FGD3: variants seen among roughly 807,000 people sequenced by gnomAD.
The protein encoded by FGD3 is FYVE, RhoGEF and PH domain-containing protein 3.
FGD3 carries 45 observed loss-of-function variants against 71.8 expected under a neutral mutation model. The observed-to-expected ratio is 0.63, with a 90% CI of 0.49 to 0.80. The LOEUF (loss-of-function observed/expected upper bound fraction) is 0.80, where lower values mean the gene tolerates loss of function less well. FGD3 is among the 30% of genes least tolerant of loss of function. FGD3 has a pLI of 0.00. For synonymous variants in FGD3, 378 were observed against 392.8 expected (o/e 0.96, Z 0.44); for missense variants, 844 against 951.5 (o/e 0.89, Z 1.49).
At chr9:93,033,961 G>T (rs769891061) in intron 16 of FGD3, 1 of 152,354 alleles carries the variant, frequency 6.6e-6, no homozygotes, top group East Asian at 1.9e-4. Context: ...TTTAAATACC[G>T]AGGTGTGTTC....
intron 10 of FGD3, 126 bp downstream of exon 10, chr9:93,015,955 A>C: frequency 1.3e-6 from 1 of 794,860 alleles, no homozygotes; most frequent in Non-Finnish European, 2.1e-6. Flanking sequence ...CTGCTTTTCC[A>C]AGCCATAGAC....
intron 1 of FGD3, among the ~76,000 whole-genome samples, chr9:92,960,781 A>C (rs1011026058): frequency 6.6e-6 from 1 of 152,098 alleles, no homozygotes; most frequent in Non-Finnish European, 1.5e-5. Context: ...GCTGAGAGAA[A>C]TTAGGCCAGG....
chr9:92,991,355 A>G, intron 3 of FGD3, among the ~76,000 whole-genome samples: 1 of 152,208 alleles, frequency 6.6e-6, no homozygotes, highest in African/African-American at 2.4e-5. Context: ...CTGGGATTAC[A>G]GGTGTGAGCC....
chr9:92,961,134 T>G (rs1238914617), intron 1 of FGD3, among the ~76,000 whole-genome samples: 1 of 152,108 alleles, frequency 6.6e-6, no homozygotes, highest in Non-Finnish European at 1.5e-5. Context: ...CTCCTCTCCC[T>G]GGCCATGGCC....
intron 16 of FGD3, chr9:93,033,281 C>CCTCCTCCTCCTCCCCATCCCCTT: frequency 4.3e-6 from 1 of 229,948 alleles, no homozygotes; most frequent in South Asian, 3.6e-5. Context: ...GCAGGCACCC[C>CCTCCTCCTCCTCCCCATCCCCTT]CTCCTCCTCC....
At chr9:93,028,288 G>C (rs539998813) in intron 14 of FGD3, among the ~76,000 whole-genome samples, 1 of 148,686 alleles carries the variant, frequency 6.7e-6, no homozygotes, top group African/African-American at 2.5e-5. Flanking sequence ...TTTTTATTCT[G>C]CTCAGCTACA....
At chr9:93,033,168 G>A (rs917290203) in intron 16 of FGD3, 1 of 461,044 alleles carries the variant, frequency 2.2e-6, no homozygotes, top group Non-Finnish European at 4.1e-6. Flanking sequence ...ATGGATTGAA[G>A]CTGCCCTCAA....
chr9:93,035,669 A>G lies in FGD3; in HGVS notation c.*80A>G. 2 of 1,501,190 alleles carry G rather than the reference A, an allele frequency of 1.3e-6. No individual in the cohort carries two copies. The highest frequency in any genetic ancestry group is 2.6e-5 in the South Asian group (2 of 76,048). 93.0% of individuals were successfully genotyped at this position (1,501,190 alleles called of 1,614,324 possible). ...AGGTGGTGTTGGAGGCCCCATGAAG[A>G]GCGCCCTGGACTGCTGAGGGTGGGC... On this transcript the variant is annotated 3_prime_UTR_variant, in exon 18 of 18. Coordinates refer to ENST00000375482, the MANE Select transcript of FGD3 (RefSeq NM_001083536.2).
At chr9:93,005,419 C>G (rs546853422) in intron 5 of FGD3, among the ~76,000 whole-genome samples, 1 of 152,304 alleles carries the variant, frequency 6.6e-6, no homozygotes, top group South Asian at 2.1e-4. Context: ...GCCACCACAC[C>G]CAGCCTGGAC....
At chr9:93,011,138 G>T in intron 7 of FGD3, 76 bp from the exon 8 acceptor site, 1 of 1,437,286 alleles carries the variant, frequency 7.0e-7, no homozygotes, top group South Asian at 1.1e-5. Context: ...TCTGGAGGCA[G>T]CTGCCCTGGA....
chr9:93,030,866 A>G (rs1862329497), intron 15 of FGD3, among the ~76,000 whole-genome samples: 1 of 151,798 alleles, frequency 6.6e-6, no homozygotes, highest in African/African-American at 2.4e-5. Flanking sequence ...GAGGGGATGG[A>G]TGGATAGGTG....
intron 12 of FGD3, 71 bp from the exon 13 acceptor site, chr9:93,020,246 G>A: frequency 1.4e-6 from 2 of 1,422,246 alleles, no homozygotes; most frequent in Non-Finnish European, 1.9e-6. Context: ...ACAGAGGCAG[G>A]CGCGTCCCTC....
At chr9:92,954,594 A>C (rs549120847) in intron 1 of FGD3, among the ~76,000 whole-genome samples, 2 of 152,290 alleles carry the variant, frequency 1.3e-5, no homozygotes, top group African/African-American at 4.8e-5. Context: ...TCTGCAGGCC[A>C]GAGCTGCTCC....
intron 3 of FGD3, among the ~76,000 whole-genome samples, chr9:93,002,262 C>G (rs1001986420): frequency 6.6e-6 from 1 of 152,086 alleles, no homozygotes; most frequent in African/African-American, 2.4e-5. Context: ...CTGAAACTTA[C>G]AGAGGTTTGT....
rs545510417 is a variant in FGD3, at chr9:92,964,300, G to A, written c.-217-10938G>A. 109 of 152,290 alleles carry A rather than the reference G, an allele frequency of 7.2e-4. 1 individual carries two copies. The highest frequency in any genetic ancestry group is 2.1e-3 in the African/African-American group (86 of 41,538). 9.4% of individuals were successfully genotyped at this position (152,290 alleles called of 1,614,324 possible). ...ATTAGAAAAAAGGAAGTTGTGTTTC[G>A]CTATTGCACGAAGTTCAGCCCAGAG... is the stretch of plus-strand genomic sequence containing the variant. On this transcript the variant is annotated intron_variant, in intron 1 of 17. Transcript: ENST00000375482.
At chr9:93,012,302 CA>C (rs1163995008) in intron 8 of FGD3, among the ~76,000 whole-genome samples, 2 of 152,158 alleles carry the variant, frequency 1.3e-5, no homozygotes, top group African/African-American at 4.8e-5. Context: ...AAAACTCACA[CA>C]CCTCTCAGAG....
chr9:93,009,019 C>T (rs1311483263), intron 6 of FGD3, among the ~76,000 whole-genome samples: 2 of 150,952 alleles, frequency 1.3e-5, no homozygotes, highest in Non-Finnish European at 2.9e-5. Context: ...AATCCTAGCA[C>T]TTTGGGAGAC....
Position 93,003,113 on chromosome 9 carries a change from T to A in FGD3, c.543+99T>A. 1 of 1,212,156 alleles carries A rather than the reference T, an allele frequency of 8.2e-7. No individual in the cohort carries two copies. The highest frequency in any genetic ancestry group is 1.2e-6 in the Non-Finnish European group (1 of 848,194). 75.1% of individuals were successfully genotyped at this position (1,212,156 alleles called of 1,614,324 possible). ...ACTTAAATACTAAAACTCAGACAAA[T>A]TTAAGTCTGGTCTACAAACTTTTTT... On this transcript the variant is annotated intron_variant, in intron 4 of 17. Coordinates refer to ENST00000375482, the MANE Select transcript of FGD3 (RefSeq NM_001083536.2). This position sits in a 1 kb window ranked among gnomAD's most constrained non-coding sequence, Gnocchi z 4.1.
At chr9:93,025,689 A>G (rs1862089934) in intron 14 of FGD3, among the ~76,000 whole-genome samples, 1 of 152,232 alleles carries the variant, frequency 6.6e-6, no homozygotes, top group South Asian at 2.1e-4. Flanking sequence ...GGCCTTGCAG[A>G]ATTCAAAGCC....
Sources: gnomAD v4.1 joint callset for allele counts (sites outside exome capture counted in the v4.1 genomes callset) on GRCh38, gnomAD v4.1.1 for gene constraint, Gnocchi (gnomAD v3.1) non-coding constraint, MANE v1.5 for transcripts, NCBI Gene and HGNC (gene_info 2026-07-23, HGNC 2026-07-21) for gene names.